PRR33: variants seen among roughly 807,000 people sequenced by gnomAD.
PRR33 encodes proline rich 33.
In PRR33, 1 loss-of-function variant was observed where a neutral mutation model predicts 0.5. The ratio of observed to expected loss-of-function variants is 2.18; its 90% confidence interval spans 0.77 to 10.34. PRR33 has a LOEUF of 10.34. Among genes scored for constraint, PRR33 ranks in the 30% most tolerant of loss-of-function variants. PRR33 has a pLI of 0.13. For missense variants in PRR33, 552 were observed against 251.8 expected (o/e 2.19, Z -8.07); for synonymous variants, 226 against 110.0 (o/e 2.06, Z -6.60).
the PRR33 span, chr11:1,889,447 T>TG: frequency 1.5e-6 from 1 of 646,050 alleles, no homozygotes; most frequent in Non-Finnish European, 2.9e-6. Flanking sequence ...TCCTGCTCTG[T>TG]GGGGGCAGGC....
At chr11:1,905,120 T>A in the PRR33 span, among the ~76,000 whole-genome samples, 1 of 124,004 alleles carries the variant, frequency 8.1e-6, no homozygotes, top group South Asian at 2.5e-4. Context: ...TGCTTGAGAA[T>A]TCTTTTTTTT....
the PRR33 span, among the ~76,000 whole-genome samples, chr11:1,905,835 G>T: frequency 1.6e-4 from 24 of 150,976 alleles, no homozygotes; most frequent in South Asian, 2.3e-3. Flanking sequence ...TTCTTTTTGT[G>T]GGGGGGACAG....
exon 1 of PRR33, chr11:1,890,317 C>T (rs771671700): frequency 5.8e-5 from 41 of 710,678 alleles, no homozygotes; most frequent in Middle Eastern, 2.3e-4. Context: ...GGGGCTTCGG[C>T]GGGGTGCGGG....
At chr11:1,905,027 G>A in the PRR33 span, among the ~76,000 whole-genome samples, 1 of 150,266 alleles carries the variant, frequency 6.7e-6, no homozygotes, top group Non-Finnish European at 1.5e-5. Context: ...TCTACTTGAT[G>A]TTTACTATTT....
chr11:1,898,884 C>T, the PRR33 span, among the ~76,000 whole-genome samples: 10 of 152,210 alleles, frequency 6.6e-5, no homozygotes, highest in Middle Eastern at 3.4e-3. Context: ...GCCTGTAATC[C>T]CAGCTACTTG....
the PRR33 span, among the ~76,000 whole-genome samples, chr11:1,901,124 A>G: frequency 2.0e-5 from 3 of 152,212 alleles, no homozygotes; most frequent in Admixed American, 2.0e-4. Context: ...AGCCTGGCCA[A>G]TATGGTGAAA....
chr11:1,912,994 T>C, the PRR33 span, among the ~76,000 whole-genome samples: 3 of 152,254 alleles, frequency 2.0e-5, no homozygotes, highest in African/African-American at 4.8e-5. Context: ...ATTATTTCCA[T>C]TGCTTTCTTT....
At chr11:1,893,279 G>A (rs1849069014), upstream of PRR33, among the ~76,000 whole-genome samples, 2 of 150,010 alleles carry the variant, frequency 1.3e-5, no homozygotes, top group African/African-American at 4.9e-5. Context: ...GGTGAGTGGA[G>A]GGATGGGTGA....
At chr11:1,896,155 CT>C (rs985867309), upstream of PRR33, among the ~76,000 whole-genome samples, 1 of 152,176 alleles carries the variant, frequency 6.6e-6, no homozygotes, top group African/African-American at 2.4e-5. Context: ...CAATTGTGTT[CT>C]TTTTCCGGAT....
At chr11:1,903,740 A>G in the PRR33 span, among the ~76,000 whole-genome samples, 1 of 152,222 alleles carries the variant, frequency 6.6e-6, no homozygotes, top group Non-Finnish European at 1.5e-5. Flanking sequence ...CCCATTTTAC[A>G]TTAAATCTTG....
the PRR33 span, among the ~76,000 whole-genome samples, chr11:1,898,975 TG>T: frequency 6.6e-6 from 1 of 152,116 alleles, no homozygotes; most frequent in Admixed American, 6.5e-5. Flanking sequence ...CATTCCAGCT[TG>T]GGCAACAGAG....
the PRR33 span, among the ~76,000 whole-genome samples, chr11:1,899,006 A>AT: frequency 5.1e-3 from 769 of 150,776 alleles, 3 homozygotes; most frequent in South Asian, 0.012. Context: ...GAGTGAGCTA[A>AT]TTTTTTTTTT....
the PRR33 span, among the ~76,000 whole-genome samples, chr11:1,908,632 A>T: frequency 6.6e-6 from 1 of 152,122 alleles, no homozygotes; most frequent in East Asian, 1.9e-4. Flanking sequence ...TTAAAAACTG[A>T]TTTAAAATAT....
upstream of PRR33, among the ~76,000 whole-genome samples, chr11:1,893,661 T>A (rs1422341674): frequency 7.0e-6 from 1 of 142,918 alleles, no homozygotes; most frequent in African/African-American, 2.7e-5. Context: ...AATGAAGGGA[T>A]GGGTAGGTGG....
chr11:1,904,266 C>T, the PRR33 span, among the ~76,000 whole-genome samples: 2 of 152,196 alleles, frequency 1.3e-5, no homozygotes, highest in African/African-American at 2.4e-5. Flanking sequence ...CAGTGGCTCA[C>T]GCCTGTAATC....
chr11:1,905,142 T>C, the PRR33 span, among the ~76,000 whole-genome samples: 4 of 116,946 alleles, frequency 3.4e-5, no homozygotes, highest in East Asian at 2.2e-4. Flanking sequence ...TTTTTTTTTT[T>C]TGGAGACCGA....
chr11:1,902,147 GTC>G, the PRR33 span, among the ~76,000 whole-genome samples: 1 of 151,716 alleles, frequency 6.6e-6, no homozygotes, highest in East Asian at 1.9e-4. Flanking sequence ...CAGGAGAATG[GTC>G]TGAACCCGGG....
the PRR33 span, among the ~76,000 whole-genome samples, chr11:1,914,582 CTG>C: frequency 6.2e-3 from 800 of 129,920 alleles, 5 homozygotes; most frequent in African/African-American, 0.017. Flanking sequence ...GGATGTTGCT[CTG>C]TGTGTGTGTG....
the PRR33 span, among the ~76,000 whole-genome samples, chr11:1,899,707 G>A: frequency 6.6e-6 from 1 of 152,156 alleles, no homozygotes; most frequent in Non-Finnish European, 1.5e-5. Context: ...GTTATTAACA[G>A]TTTTACCACT....
Sources: allele counts gnomAD v4.1 joint callset (sites outside exome capture counted in the v4.1 genomes callset), GRCh38; gene constraint gnomAD v4.1.1; transcripts MANE v1.5; gene names NCBI Gene and HGNC (gene_info 2026-07-23, HGNC 2026-07-21).